MSRA: variants seen among roughly 807,000 people sequenced by gnomAD.
MSRA encodes methionine sulfoxide reductase A, also known as mitochondrial peptide methionine sulfoxide reductase.
A neutral mutation model predicts 31.3 loss-of-function variants in MSRA; 54 were observed. The ratio of observed to expected loss-of-function variants is 1.73; its 90% CI spans 1.39 to 2.17. MSRA has a LOEUF of 2.17. MSRA is among the 30% of genes most tolerant of loss of function. The pLI is 0.00. For synonymous variants in MSRA, 169 were observed against 116.5 expected (o/e 1.45, Z -2.90); for missense variants, 507 against 300.9 (o/e 1.69, Z -5.07).
intron 5 of MSRA, among the ~76,000 whole-genome samples, chr8:10,327,200 A>G (rs1802411787): frequency 6.6e-6 from 1 of 152,204 alleles, no homozygotes; most frequent in Non-Finnish European, 1.5e-5. Context: ...TGTTTCAAAT[A>G]TAAAACAGTG....
intron 5 of MSRA, among the ~76,000 whole-genome samples, chr8:10,415,352 C>T (rs1808394468): frequency 6.6e-6 from 1 of 152,194 alleles, no homozygotes; most frequent in African/African-American, 2.4e-5. Flanking sequence ...CCACCCACTT[C>T]CTCTGGGTTC....
intron 1 of MSRA, among the ~76,000 whole-genome samples, chr8:10,174,527 A>C (rs1050006221): frequency 6.7e-6 from 1 of 150,016 alleles, no homozygotes; most frequent in African/African-American, 2.5e-5. Flanking sequence ...TTCCCAGCTC[A>C]CCTCCCCTCT....
intron 1 of MSRA, among the ~76,000 whole-genome samples, chr8:10,089,917 C>T (rs1046093699): frequency 6.6e-6 from 1 of 152,190 alleles, no homozygotes; most frequent in Non-Finnish European, 1.5e-5. Flanking sequence ...GTGGGATATG[C>T]CCCCAGGAGC....
At chr8:10,403,161 G>A (rs960121079) in intron 5 of MSRA, among the ~76,000 whole-genome samples, 1 of 152,196 alleles carries the variant, frequency 6.6e-6, no homozygotes, top group Non-Finnish European at 1.5e-5. Flanking sequence ...GGGCTGGCTT[G>A]GAGAAGGCCC....
At position 10,393,502 on chromosome 8, in the gene MSRA, G is replaced by A. The variant is rs138922535; in HGVS notation, c.544-34646G>A. On this transcript the variant is annotated intron_variant, in intron 5 of 5. Transcript: ENST00000317173. ...GGCTGACACAGCGTCAGCATGTGAC[G>A]GTGTTTGCTGGGCACCGTGTAGGCA... Among the ~76,000 whole-genome samples, 19 of 152,334 alleles carry A rather than the reference G, an allele frequency of 1.2e-4. 1 individual carries two copies. The highest frequency in any genetic ancestry group is 4.1e-4 in the South Asian group (2 of 4,820).
intron 1 of MSRA, among the ~76,000 whole-genome samples, chr8:10,189,418 A>C (rs140597967): frequency 1.1e-3 from 168 of 152,322 alleles, no homozygotes; most frequent in African/African-American, 3.9e-3. Context: ...CCCTAGCTTC[A>C]TTCCTAATTT....
Position 10,156,552 on chromosome 8 carries a change from T to C in MSRA, c.143-51281T>C, listed in dbSNP as rs56111403. Among the ~76,000 whole-genome samples, 1,342 of 152,286 alleles carry C rather than the reference T, an allele frequency of 8.8e-3. 7 individuals are homozygous for C. The highest frequency in any genetic ancestry group is 0.014 in the Non-Finnish European group (921 of 68,028). On this transcript the variant is annotated intron_variant, in intron 1 of 5. Transcript: ENST00000317173. ...TCGTTTGTTTCTGTAGGTTTGATATTTTTGAAAATAAACAATAAGTAAAAC... is the reference window on the plus strand; with the variant it reads ...TCGTTTGTTTCTGTAGGTTTGATATCTTTGAAAATAAACAATAAGTAAAAC...
intron 5 of MSRA, among the ~76,000 whole-genome samples, chr8:10,346,704 A>G (rs1438336764): frequency 6.6e-6 from 1 of 152,188 alleles, no homozygotes; most frequent in Non-Finnish European, 1.5e-5. Flanking sequence ...ATCTTGTGTA[A>G]TAGATTAGGG....
intron 1 of MSRA, among the ~76,000 whole-genome samples, chr8:10,064,972 G>A (rs548719788): frequency 3.9e-5 from 6 of 152,174 alleles, no homozygotes; most frequent in East Asian, 1.9e-4. Context: ...GTTGAAAACC[G>A]CGTAAGAGTT....
At chr8:10,168,862 T>C (rs79023808) in intron 1 of MSRA, among the ~76,000 whole-genome samples, 2,019 of 152,338 alleles carry the variant, frequency 0.013, 21 homozygotes, top group Non-Finnish European at 0.022. Flanking sequence ...ACATGCTAAA[T>C]ATGTATCAAT....
At chr8:10,258,731 A>G (rs1037870114) in intron 3 of MSRA, among the ~76,000 whole-genome samples, 8 of 152,188 alleles carry the variant, frequency 5.3e-5, no homozygotes, top group Admixed American at 5.2e-4. Flanking sequence ...CTGATGGTTT[A>G]AAGAGCAGAG....
intron 1 of MSRA, among the ~76,000 whole-genome samples, chr8:10,143,916 G>C (rs148329516): frequency 6.6e-6 from 1 of 152,122 alleles, no homozygotes; most frequent in African/African-American, 2.4e-5. Flanking sequence ...CTTGTCTGCT[G>C]CTTTTCTATA....
chr8:10,425,392 C>T (rs531100987), intron 5 of MSRA, among the ~76,000 whole-genome samples: 1 of 152,226 alleles, frequency 6.6e-6, no homozygotes, highest in African/African-American at 2.4e-5. Context: ...GGCAAACCTC[C>T]CTTCCGGGCT....
At chr8:10,192,964 G>A (rs1055109175) in intron 1 of MSRA, among the ~76,000 whole-genome samples, 1 of 152,164 alleles carries the variant, frequency 6.6e-6, no homozygotes, top group East Asian at 1.9e-4. Flanking sequence ...ATTATATTAT[G>A]TTCTCCCCAG....
chr8:10,388,626 A>G (rs1479629918), intron 5 of MSRA, among the ~76,000 whole-genome samples: 1 of 152,158 alleles, frequency 6.6e-6, no homozygotes, highest in Non-Finnish European at 1.5e-5. Flanking sequence ...CCTGCTCAGA[A>G]TCCTGGCTTC....
chr8:10,065,044 C>T (rs1459038711), intron 1 of MSRA, among the ~76,000 whole-genome samples: 1 of 152,060 alleles, frequency 6.6e-6, no homozygotes, highest in Non-Finnish European at 1.5e-5. Flanking sequence ...GCTGAAAACT[C>T]CATTGCCTTA....
At chr8:10,227,789 G>T (rs551814237) in intron 2 of MSRA, among the ~76,000 whole-genome samples, 3 of 152,098 alleles carry the variant, frequency 2.0e-5, no homozygotes, top group Admixed American at 6.5e-5. Context: ...TCAATCAACC[G>T]CTAATTGCTA....
intron 1 of MSRA, among the ~76,000 whole-genome samples, chr8:10,193,274 C>T (rs561856925): frequency 2.0e-5 from 3 of 152,276 alleles, no homozygotes; most frequent in Admixed American, 2.0e-4. Context: ...TGCCTTAGAC[C>T]CCATTCAGCG....
At chr8:10,256,348 CCA>C (rs1798178999) in intron 3 of MSRA, among the ~76,000 whole-genome samples, 1 of 152,148 alleles carries the variant, frequency 6.6e-6, no homozygotes, top group Non-Finnish European at 1.5e-5. Context: ...TGGATGTACC[CCA>C]GTTTGCTTGT....
Sources: allele counts gnomAD v4.1 joint callset (sites outside exome capture counted in the v4.1 genomes callset), GRCh38; gene constraint gnomAD v4.1.1; transcripts MANE v1.5; gene names NCBI Gene and HGNC (gene_info 2026-07-23, HGNC 2026-07-21).